Variants in CYYR1 observed in about 807,000 individuals in gnomAD.
CYYR1 encodes the protein cysteine and tyrosine rich 1, also known as cysteine and tyrosine-rich protein 1.
Under a neutral mutation model 15.2 loss-of-function variants are expected in CYYR1, and 14 were observed. The observed-to-expected ratio is 0.92, with a 90% CI of 0.61 to 1.44. The LOEUF (loss-of-function observed/expected upper bound fraction) is 1.44. Among genes scored for constraint, CYYR1 ranks in the 40% most tolerant of loss-of-function variants. CYYR1 has a pLI of 0.00. For synonymous variants in CYYR1, 80 were observed against 77.4 expected (o/e 1.03, Z -0.18); for missense variants, 228 against 209.5 (o/e 1.09, Z -0.54).
intron 2 of CYYR1, among the ~76,000 whole-genome samples, chr21:26,549,353 T>C (rs1478812205): frequency 6.6e-6 from 1 of 152,202 alleles, no homozygotes; most frequent in Non-Finnish European, 1.5e-5. Flanking sequence ...TAAAAATGTA[T>C]GAACATGGTT....
chr21:26,471,409 A>T (rs923797339), intron 3 of CYYR1: 1 of 152,216 alleles, frequency 6.6e-6, no homozygotes, highest in Non-Finnish European at 1.5e-5. Flanking sequence ...CCATCTGCAT[A>T]AAAACTGCTG....
intron 2 of CYYR1, among the ~76,000 whole-genome samples, chr21:26,511,486 T>C (rs947650136): frequency 1.3e-5 from 2 of 152,232 alleles, no homozygotes; most frequent in Admixed American, 6.5e-5. Flanking sequence ...CCCATAGTCA[T>C]ATGCTGGAAT....
intron 1 of CYYR1, among the ~76,000 whole-genome samples, chr21:26,567,089 G>A (rs952558168): frequency 6.6e-6 from 1 of 151,752 alleles, no homozygotes; most frequent in African/African-American, 2.4e-5. Context: ...AAGGTTTAGT[G>A]GCATATATAA....
At chr21:26,514,584 G>A (rs1239925125) in intron 2 of CYYR1, among the ~76,000 whole-genome samples, 1 of 152,068 alleles carries the variant, frequency 6.6e-6, no homozygotes, top group African/African-American at 2.4e-5. Flanking sequence ...TAAATTACTC[G>A]GCCTCAGCTA....
At chr21:26,550,936 T>C (rs1223299317) in intron 2 of CYYR1, 1 of 152,528 alleles carries the variant, frequency 6.6e-6, no homozygotes, top group East Asian at 1.9e-4. Context: ...CATCTAGGAC[T>C]TTCATAGCTA....
At chr21:26,492,565 C>T (rs931522561) in intron 2 of CYYR1, among the ~76,000 whole-genome samples, 6 of 152,146 alleles carry the variant, frequency 3.9e-5, no homozygotes, top group African/African-American at 1.4e-4. Flanking sequence ...GAATGAATGA[C>T]AGAGACAGAT....
chr21:26,554,134 T>G (rs1449716576), intron 2 of CYYR1, among the ~76,000 whole-genome samples: 2 of 152,138 alleles, frequency 1.3e-5, no homozygotes, highest in Non-Finnish European at 2.9e-5. Context: ...AAGAGCTTAA[T>G]CAGGGAAATT....
chr21:26,501,577 T>A (rs2065482431), intron 2 of CYYR1, among the ~76,000 whole-genome samples: 2 of 152,230 alleles, frequency 1.3e-5, no homozygotes, highest in African/African-American at 4.8e-5. Flanking sequence ...GACTCAGAAC[T>A]GAAAACTGGA....
intron 2 of CYYR1, among the ~76,000 whole-genome samples, chr21:26,525,200 C>G (rs898955931): frequency 6.6e-6 from 1 of 152,152 alleles, no homozygotes; most frequent in East Asian, 1.9e-4. Flanking sequence ...TTATCCTACA[C>G]TTTTTTTCAT....
chr21:26,480,984 G>A (rs1005732491), intron 2 of CYYR1, among the ~76,000 whole-genome samples: 2 of 152,004 alleles, frequency 1.3e-5, no homozygotes, highest in Admixed American at 6.6e-5. Context: ...TGACAAATAA[G>A]TATCCCATTA....
At chr21:26,505,127 A>G (rs1011718650) in intron 2 of CYYR1, among the ~76,000 whole-genome samples, 4 of 152,232 alleles carry the variant, frequency 2.6e-5, no homozygotes, top group African/African-American at 9.6e-5. Flanking sequence ...ATTTACATGA[A>G]TTAAAACATA....
chr21:26,478,712 G>A (rs2065134589), intron 3 of CYYR1, among the ~76,000 whole-genome samples: 1 of 152,118 alleles, frequency 6.6e-6, no homozygotes, highest in Admixed American at 6.6e-5. Context: ...GGTGGATGCT[G>A]GGAGACCAGC....
At chr21:26,564,503 A>G (rs1980469694) in intron 2 of CYYR1, among the ~76,000 whole-genome samples, 1 of 152,210 alleles carries the variant, frequency 6.6e-6, no homozygotes, top group Non-Finnish European at 1.5e-5. Context: ...AGCTCAACCA[A>G]TTCTTCACTT....
intron 2 of CYYR1, among the ~76,000 whole-genome samples, chr21:26,500,216 A>G (rs1435799180): frequency 1.3e-5 from 2 of 152,162 alleles, no homozygotes; most frequent in Non-Finnish European, 2.9e-5. Context: ...ATTCTCTGTT[A>G]AAGGCCCCAC....
chr21:26,520,118 A>G (rs1260607666), intron 2 of CYYR1, among the ~76,000 whole-genome samples: 5 of 58,498 alleles, frequency 8.5e-5, no homozygotes, highest in Admixed American at 1.6e-4. Flanking sequence ...CAGGAGATAT[A>G]TATATATATA....
At chr21:26,520,089 C>A (rs1296496089) in intron 2 of CYYR1, among the ~76,000 whole-genome samples, 3 of 124,866 alleles carry the variant, frequency 2.4e-5, no homozygotes, top group South Asian at 2.6e-4. Flanking sequence ...TTCTTTATTT[C>A]TTCTTCTAAA....
At chr21:26,505,831 G>A (rs564659083) in intron 2 of CYYR1, among the ~76,000 whole-genome samples, 14 of 152,226 alleles carry the variant, frequency 9.2e-5, no homozygotes, top group African/African-American at 2.6e-4. Flanking sequence ...AATGCTTTTC[G>A]TAAGCGCGAG....
At chr21:26,542,277 ATG>A (rs138562563) in intron 2 of CYYR1, among the ~76,000 whole-genome samples, 5 of 128,258 alleles carry the variant, frequency 3.9e-5, no homozygotes, top group Non-Finnish European at 6.4e-5. Context: ...GAGAGAGAAT[ATG>A]TGTGTGTGTG....
At chr21:26,497,476 A>G (rs769376511) in intron 2 of CYYR1, among the ~76,000 whole-genome samples, 1 of 152,208 alleles carries the variant, frequency 6.6e-6, no homozygotes, top group Non-Finnish European at 1.5e-5. Context: ...GCCTACAAAG[A>G]AAAATGGTTA....
Sources: allele counts gnomAD v4.1 joint callset (sites outside exome capture counted in the v4.1 genomes callset), GRCh38; gene constraint gnomAD v4.1.1; transcripts MANE v1.5; gene names NCBI Gene and HGNC (gene_info 2026-07-23, HGNC 2026-07-21).